Variants in CERS3 observed in about 807,000 individuals in gnomAD.
The protein encoded by CERS3 is LAG1 homolog, ceramide synthase 3.
In CERS3, 33 loss-of-function variants were observed where a neutral mutation model predicts 50.3. That is an observed-to-expected ratio of 0.66 (90% CI 0.50 to 0.88). The LOEUF (loss-of-function observed/expected upper bound fraction) is 0.88, where lower values mean the gene tolerates loss of function less well. CERS3 is among the 40% of genes least tolerant of loss of function. The pLI is 0.00. For synonymous variants in CERS3, 176 were observed against 155.2 expected, an observed-to-expected ratio of 1.13 and a Z score of -0.99; for missense variants, 470 against 460.3, an observed-to-expected ratio of 1.02 and a Z score of -0.19.
intron 10 of CERS3, among the ~76,000 whole-genome samples, chr15:100,456,981 G>A (rs1035343495): frequency 6.6e-6 from 1 of 151,328 alleles, no homozygotes; most frequent in African/African-American, 2.4e-5. Context: ...CCATATGAAG[G>A]GCTATTTGTT....
At chr15:100,501,381 G>A (rs1005475517) in intron 3 of CERS3, among the ~76,000 whole-genome samples, 59 of 152,182 alleles carry the variant, frequency 3.9e-4, no homozygotes, top group African/African-American at 1.2e-3. Context: ...CTGGGTTCCC[G>A]TATTGTCATT....
chr15:100,544,459 G>GACCTCCGCGGGGACACGGGCCCTCTCTC (rs1567697423), intron 1 of CERS3: 1 of 142,946 alleles, frequency 7.0e-6, no homozygotes. Context: ...TCTCGGCCTA[G>GACCTCCGCGGGGACACGGGCCCTCTCTC]GTCTGCGCGG....
At chr15:100,416,461 T>C (rs1166593908) in intron 11 of CERS3, among the ~76,000 whole-genome samples, 1 of 152,196 alleles carries the variant, frequency 6.6e-6, no homozygotes, top group Non-Finnish European at 1.5e-5. Context: ...AAACTGTGTA[T>C]TAGTCCGTTT....
intron 5 of CERS3, among the ~76,000 whole-genome samples, chr15:100,483,787 A>ATTATTATTATTTTTTTTTTT (rs760594142): frequency 1.3e-4 from 13 of 100,040 alleles, no homozygotes; most frequent in African/African-American, 2.3e-4. Context: ...TATTATTATT[A>ATTATTATTATTTTTTTTTTT]TTTTTTTTTT....
chr15:100,425,608 T>C (rs889800909), intron 11 of CERS3, among the ~76,000 whole-genome samples: 30 of 152,222 alleles, frequency 2.0e-4, no homozygotes, highest in Admixed American at 1.7e-3. Context: ...AATTAATTGC[T>C]GTTTTATTTT....
chr15:100,518,690 C>T (rs1472767581), intron 2 of CERS3, among the ~76,000 whole-genome samples: 1 of 152,228 alleles, frequency 6.6e-6, no homozygotes, highest in Non-Finnish European at 1.5e-5. Flanking sequence ...CTAACATACA[C>T]AGGATTTCCT....
intron 2 of CERS3, among the ~76,000 whole-genome samples, chr15:100,511,211 C>T (rs1047467291): frequency 6.6e-6 from 1 of 152,126 alleles, no homozygotes; most frequent in African/African-American, 2.4e-5. Flanking sequence ...ATTTCTTGAA[C>T]CCTGGAGGCG....
chr15:100,465,906 G>A (rs538769247), intron 10 of CERS3, among the ~76,000 whole-genome samples: 6 of 152,144 alleles, frequency 3.9e-5, no homozygotes, highest in Non-Finnish European at 7.3e-5. Context: ...TGATCCTCCT[G>A]CCTTGGCCTC....
chr15:100,439,212 G>A (rs1000682292), intron 11 of CERS3, among the ~76,000 whole-genome samples: 1 of 152,116 alleles, frequency 6.6e-6, no homozygotes, highest in African/African-American at 2.4e-5. Context: ...ATAGTGGAAG[G>A]TTCTCATTCA....
rs949689395 is a variant in CERS3 at position 100,401,232 on chromosome 15, T to C, written c.*1481A>G. ...ATGAACATACAAAATCTGACCGTTATGAGAGACTGTGCCAGGTGGTGAGGA... is the reference window on the plus strand; with the variant it reads ...ATGAACATACAAAATCTGACCGTTACGAGAGACTGTGCCAGGTGGTGAGGA... On this transcript the variant is annotated 3_prime_UTR_variant, in exon 12 of 12. Transcript: ENST00000679737. The C allele has an allele frequency of 6.6e-6, 1 of 152,164 alleles. No individual in the cohort carries two copies. The highest frequency in any genetic ancestry group is 2.4e-5 in the African/African-American group (1 of 41,444). The allele number at this position is 152,164 out of a possible 1,614,324, so 9.4% of individuals were successfully genotyped here.
At chr15:100,455,253 A>G (rs924650843) in intron 11 of CERS3, among the ~76,000 whole-genome samples, 15 of 137,496 alleles carry the variant, frequency 1.1e-4, no homozygotes, top group Admixed American at 2.8e-4. Flanking sequence ...TATCCCAAGG[A>G]AAAAAAAAAA....
At chr15:100,520,062 T>C (rs1319415261) in intron 2 of CERS3, among the ~76,000 whole-genome samples, 1 of 152,174 alleles carries the variant, frequency 6.6e-6, no homozygotes, top group Non-Finnish European at 1.5e-5. Flanking sequence ...ATCCTAGAAT[T>C]CCCTGCCTGA....
At chr15:100,427,875 C>T (rs1317373157) in intron 11 of CERS3, among the ~76,000 whole-genome samples, 1 of 152,044 alleles carries the variant, frequency 6.6e-6, no homozygotes, top group African/African-American at 2.4e-5. Context: ...AGGATGGGAA[C>T]AGTTTTACTG....
At chr15:100,493,081 T>C (rs2035700531) in intron 3 of CERS3, among the ~76,000 whole-genome samples, 1 of 152,200 alleles carries the variant, frequency 6.6e-6, no homozygotes, top group African/African-American at 2.4e-5. Flanking sequence ...TTAAATCAGA[T>C]AGGAGAAAGT....
rs1181038497 is a variant in CERS3, at chr15:100,448,642, T to A, written c.999+7251A>T. Among the ~76,000 whole-genome samples, 3 of 152,360 alleles carry A rather than the reference T, an allele frequency of 2.0e-5. No homozygotes were observed. The East Asian group carries it at 5.8e-4, about 29-fold the overall frequency. ...CTAGCCTCCGCCAAACTGCAGCCTG[T>A]GCTGAAGCACAACAGTCCCTGCATC... On this transcript the variant is annotated intron_variant, in intron 11 of 11. Coordinates refer to ENST00000679737, the MANE Select transcript of CERS3 (RefSeq NM_001378789.1).
chr15:100,443,084 C>A (rs946190746), intron 11 of CERS3, among the ~76,000 whole-genome samples: 1,207 of 151,824 alleles, frequency 7.9e-3, no homozygotes, highest in African/African-American at 0.028. Context: ...ATCTGCTTCC[C>A]TGACTATTCC....
chr15:100,494,374 A>G (rs1030346235), intron 3 of CERS3, among the ~76,000 whole-genome samples: 1 of 151,046 alleles, frequency 6.6e-6, no homozygotes, highest in Non-Finnish European at 1.5e-5. Context: ...CAGCCTCCTG[A>G]GTAGCTGGGA....
chr15:100,418,039 G>T (rs1260963935), intron 11 of CERS3, among the ~76,000 whole-genome samples: 1 of 152,122 alleles, frequency 6.6e-6, no homozygotes, highest in Non-Finnish European at 1.5e-5. Context: ...CTCCTCCAAA[G>T]GAATGCAGTT....
intron 11 of CERS3, among the ~76,000 whole-genome samples, chr15:100,439,593 G>A (rs890584888): frequency 8.5e-5 from 13 of 152,162 alleles, no homozygotes; most frequent in South Asian, 2.1e-4. Flanking sequence ...AATGCTAAAC[G>A]CTGATTAAAT....
Sources: gnomAD v4.1 joint callset for allele counts (sites outside exome capture counted in the v4.1 genomes callset) on GRCh38, gnomAD v4.1.1 for gene constraint, MANE v1.5 for transcripts, NCBI Gene and HGNC (gene_info 2026-07-23, HGNC 2026-07-21) for gene names.